HDAC9: variants seen among roughly 807,000 people sequenced by gnomAD.
The protein encoded by HDAC9 is histone deacetylase 9, also known as MEF-2 interacting transcription repressor (MITR) protein.
A neutral mutation model predicts 139.4 loss-of-function variants in HDAC9; 41 were observed. That is an observed-to-expected ratio of 0.29 (90% CI 0.23 to 0.38). The LOEUF (loss-of-function observed/expected upper bound fraction) is 0.38, where lower values mean the gene tolerates loss of function less well. Ranked by LOEUF, HDAC9 falls within the 10% of genes least tolerant of loss-of-function variation. HDAC9 has a pLI of 1.00. For missense variants in HDAC9, 1,147 were observed against 1,297.0 expected, an observed-to-expected ratio of 0.88 and a Z score of 1.78; for synonymous variants, 517 against 476.2, an observed-to-expected ratio of 1.09 and a Z score of -1.12.
intron 1 of HDAC9, among the ~76,000 whole-genome samples, chr7:18,137,398 T>G (rs1193778369): frequency 6.6e-6 from 1 of 150,918 alleles, no homozygotes; most frequent in East Asian, 1.9e-4. Context: ...TCAAAGGGAA[T>G]GCTTCCAGTT....
intron 25 of HDAC9, among the ~76,000 whole-genome samples, chr7:18,983,463 T>C (rs973885602): frequency 2.0e-5 from 3 of 152,208 alleles, no homozygotes; most frequent in African/African-American, 7.2e-5. Context: ...TTGGATGATA[T>C]ATACCCAGAA....
chr7:18,710,125 G>A (rs2541321), intron 12 of HDAC9, among the ~76,000 whole-genome samples: 5 of 151,994 alleles, frequency 3.3e-5, no homozygotes, highest in Non-Finnish European at 7.4e-5. Context: ...GGGGAACTGC[G>A]CTATATAAAA....
chr7:18,987,034 C>G (rs1020986616), intron 25 of HDAC9, among the ~76,000 whole-genome samples: 42 of 152,174 alleles, frequency 2.8e-4, no homozygotes, highest in Non-Finnish European at 1.6e-4. Context: ...TTGACTTCCT[C>G]TTTTCCTAAT....
At chr7:18,877,325 G>A (rs1178124615) in intron 22 of HDAC9, among the ~76,000 whole-genome samples, 3 of 152,080 alleles carry the variant, frequency 2.0e-5, no homozygotes, top group African/African-American at 7.2e-5. Context: ...TGCTTTGGTC[G>A]AAAAGTTCTG....
At position 18,528,925 on chromosome 7, in the gene HDAC9, C is replaced by T. The variant is rs554059988; in HGVS notation, c.22+32601C>T. ...ACAAAGGAACCACATAAGTAAAAAA[C>T]ATGAGATAAAATGGCTATTTTAGCC... On this transcript the variant is annotated intron_variant, in intron 2 of 25. Transcript: ENST00000686413. Among the ~76,000 whole-genome samples, 3 of 152,236 alleles carry T rather than the reference C, an allele frequency of 2.0e-5. No homozygotes were observed. The East Asian group carries it at 5.8e-4, about 29-fold the overall frequency.
chr7:18,479,585 G>A (rs943905795), intron 1 of HDAC9, among the ~76,000 whole-genome samples: 1 of 152,052 alleles, frequency 6.6e-6, no homozygotes, highest in Non-Finnish European at 1.5e-5. Context: ...CTCATTTTAA[G>A]TTCCTTCAAA....
chr7:18,096,839 G>A (rs2128065386), intron 1 of HDAC9, among the ~76,000 whole-genome samples: 1 of 152,092 alleles, frequency 6.6e-6, no homozygotes, highest in Admixed American at 6.6e-5. Context: ...CATGAGAAGT[G>A]CCTAATAAAT....
intron 13 of HDAC9, among the ~76,000 whole-genome samples, chr7:18,732,891 G>GTA (rs879648408): frequency 0.097 from 9,001 of 93,090 alleles, 2,208 homozygotes; most frequent in East Asian, 0.13. Flanking sequence ...GTGCGTATGT[G>GTA]TACACACACA....
At chr7:18,777,345 GGT>G in intron 16 of HDAC9, among the ~76,000 whole-genome samples, 1 of 1,198 alleles carries the variant, frequency 8.3e-4, no homozygotes, top group Middle Eastern at 0.25. Flanking sequence ...CAAGTGGGTT[GGT>G]TTTTTTCCTT....
intron 12 of HDAC9, among the ~76,000 whole-genome samples, chr7:18,706,865 C>G (rs369907254): frequency 6.6e-6 from 1 of 152,062 alleles, no homozygotes; most frequent in African/African-American, 2.4e-5. Flanking sequence ...TGATGTATGC[C>G]TTGATAGAGT....
intron 2 of HDAC9, among the ~76,000 whole-genome samples, chr7:18,260,218 T>C (rs1325698233): frequency 6.6e-6 from 1 of 152,116 alleles, no homozygotes. Context: ...TAGTCAAAGA[T>C]GATCTATGAC....
At chr7:18,286,861 A>G (rs938012103), upstream of HDAC9, among the ~76,000 whole-genome samples, 1 of 152,176 alleles carries the variant, frequency 6.6e-6, no homozygotes, top group Non-Finnish European at 1.5e-5. Flanking sequence ...GTCTTTTTAA[A>G]TTGATGCACA....
intron 3 of HDAC9, among the ~76,000 whole-genome samples, chr7:18,589,157 G>A (rs1306340961): frequency 1.3e-5 from 2 of 151,978 alleles, no homozygotes; most frequent in Non-Finnish European, 2.9e-5. Context: ...TCCTCAGTGT[G>A]CACATTTACT....
rs140157148 is a variant in HDAC9, at chr7:18,895,847, A to C, written c.2803+21251A>C. Among the ~76,000 whole-genome samples, 1,300 of 152,164 alleles carry C rather than the reference A, an allele frequency of 8.5e-3. 11 individuals are homozygous for C. Among genetic ancestry groups the C allele is most frequent in the Middle Eastern group, 0.031 (9 of 294 alleles). On this transcript the variant is annotated intron_variant, in intron 22 of 25. Transcript: ENST00000686413. ...AAGAGTTTCCTGTTTAGAGACTTGA[A>C]ATGCAGCTTAGTAACAATAAGTCAT...
At chr7:18,778,278 A>C (rs769864445) in intron 16 of HDAC9, among the ~76,000 whole-genome samples, 1 of 151,942 alleles carries the variant, frequency 6.6e-6, no homozygotes, top group African/African-American at 2.4e-5. Context: ...GCACTCAAAC[A>C]TCATCAATTC....
intron 24 of HDAC9, among the ~76,000 whole-genome samples, chr7:18,963,238 C>A (rs760665714): frequency 2.6e-5 from 4 of 152,108 alleles, no homozygotes; most frequent in African/African-American, 4.8e-5. Flanking sequence ...CAAATAATGG[C>A]ATCAGTGCTA....
At chr7:18,105,967 G>A (rs1783174278) in intron 1 of HDAC9, among the ~76,000 whole-genome samples, 1 of 152,080 alleles carries the variant, frequency 6.6e-6, no homozygotes, top group Non-Finnish European at 1.5e-5. Context: ...AGTGAAAGAA[G>A]CCAGACTTAC....
At chr7:18,299,750 G>C (rs1021678563) in intron 1 of HDAC9, among the ~76,000 whole-genome samples, 1 of 152,164 alleles carries the variant, frequency 6.6e-6, no homozygotes, top group Non-Finnish European at 1.5e-5. Flanking sequence ...TGGCGGAGGG[G>C]TAAAGGAAAA....
chr7:18,990,684 G>A (rs1360832090), intron 25 of HDAC9, among the ~76,000 whole-genome samples: 1 of 152,250 alleles, frequency 6.6e-6, no homozygotes, highest in Non-Finnish European at 1.5e-5. Context: ...AGACTGCTGA[G>A]CTAGCAGTCA....
Sources: allele counts gnomAD v4.1 joint callset (sites outside exome capture counted in the v4.1 genomes callset), GRCh38; gene constraint gnomAD v4.1.1; transcripts MANE v1.5; gene names NCBI Gene and HGNC (gene_info 2026-07-23, HGNC 2026-07-21).